The following B3GALT1 variants were observed in gnomAD, a reference collection of about 807,000 sequenced individuals.
B3GALT1 encodes the protein UDP-Gal:betaGlcNAc beta 1,3-galactosyltransferase, polypeptide 1.
Under a neutral mutation model 23.2 loss-of-function variants are expected in B3GALT1, and 10 were observed. The ratio of observed to expected loss-of-function variants is 0.43; its 90% CI spans 0.27 to 0.73. The LOEUF is 0.73. B3GALT1 is among the 30% of genes least tolerant of loss of function. The pLI is 0.21. For missense variants in B3GALT1, 299 were observed against 405.4 expected (o/e 0.74, Z 2.25); for synonymous variants, 156 against 141.5 (o/e 1.10, Z -0.73).
Position 167,602,760 on chromosome 2 carries a change from G to A in B3GALT1, c.-409-44149G>A, listed in dbSNP as rs184242803. ...TCTTTATTAGAATTCTCAGCCCATA[G>A]TAATCATTTGCTCATCCTGGTCTTT... On this transcript the variant is annotated intron_variant, in intron 2 of 4. Coordinates refer to ENST00000392690, the MANE Select transcript of B3GALT1 (RefSeq NM_020981.4). Among the ~76,000 whole-genome samples, 599 of 152,092 alleles carry A rather than the reference G, an allele frequency of 3.9e-3. 7 individuals carry two copies. The highest frequency in any genetic ancestry group is 0.02 in the Middle Eastern group (6 of 294).
chr2:167,509,007 A>G (rs1447058273), intron 2 of B3GALT1, among the ~76,000 whole-genome samples: 1 of 152,202 alleles, frequency 6.6e-6, no homozygotes, highest in Non-Finnish European at 1.5e-5. Flanking sequence ...TTTTGTTCCC[A>G]AAGAGTCAAG....
chr2:167,791,127 G>A (rs1015489866), intron 3 of B3GALT1, among the ~76,000 whole-genome samples: 1 of 152,026 alleles, frequency 6.6e-6, no homozygotes. Context: ...ATAAACATTA[G>A]CACATTTAAT....
In B3GALT1 at chr2:167,403,990, A is replaced by G. The variant is rs529845206; in HGVS notation, c.-510-86187A>G. 2.9e-3 allele frequency among the ~76,000 whole-genome samples: 434 copies of G among 152,270 alleles called. 1 individual carries two copies. Among genetic ancestry groups the G allele is most frequent in the Non-Finnish European group, 5.2e-3 (354 of 68,016 alleles). On this transcript the variant is annotated intron_variant, in intron 1 of 4. Coordinates refer to ENST00000392690, the MANE Select transcript of B3GALT1 (RefSeq NM_020981.4). ...TGTTAGTATGTTTGTGTTGCTGTAA[A>G]GGAATACCCAGGGCTGAGTAATTGT...
intron 2 of B3GALT1, among the ~76,000 whole-genome samples, chr2:167,584,125 C>T (rs1684541090): frequency 6.6e-6 from 1 of 152,072 alleles, no homozygotes; most frequent in Non-Finnish European, 1.5e-5. Flanking sequence ...TCCCACTTTT[C>T]ATCACAAGAT....
intron 1 of B3GALT1, among the ~76,000 whole-genome samples, chr2:167,386,835 GA>G (rs1276545792): frequency 6.6e-6 from 1 of 152,146 alleles, no homozygotes; most frequent in Non-Finnish European, 1.5e-5. Flanking sequence ...ACTAGTTTTA[GA>G]AACTTAAACC....
At chr2:167,303,109 A>AT (rs1696476601) in intron 1 of B3GALT1, among the ~76,000 whole-genome samples, 1 of 152,196 alleles carries the variant, frequency 6.6e-6, no homozygotes, top group South Asian at 2.1e-4. Flanking sequence ...GAAAAAGAAA[A>AT]TTGGTTGATC....
At chr2:167,323,944 C>G (rs764944701) in intron 1 of B3GALT1, among the ~76,000 whole-genome samples, 14 of 151,924 alleles carry the variant, frequency 9.2e-5, no homozygotes, top group Non-Finnish European at 1.9e-4. Context: ...TTGACATTGG[C>G]TCAGTTGCCC....
chr2:167,302,028 T>C (rs1387877259), intron 1 of B3GALT1, among the ~76,000 whole-genome samples: 1 of 152,166 alleles, frequency 6.6e-6, no homozygotes, highest in African/African-American at 2.4e-5. Flanking sequence ...ATCAGAGACA[T>C]TTGTAGTAGT....
intron 3 of B3GALT1, among the ~76,000 whole-genome samples, chr2:167,790,429 G>A (rs1019524825): frequency 1.5e-4 from 23 of 152,134 alleles, no homozygotes; most frequent in African/African-American, 5.3e-4. Flanking sequence ...GGTAAGCTGT[G>A]GCCACAGTTT....
At chr2:167,784,222 G>A (rs1351935065) in intron 3 of B3GALT1, among the ~76,000 whole-genome samples, 1 of 152,170 alleles carries the variant, frequency 6.6e-6, no homozygotes, top group Non-Finnish European at 1.5e-5. Flanking sequence ...CCCCATCACT[G>A]CATCTGCAGA....
intron 4 of B3GALT1, among the ~76,000 whole-genome samples, chr2:167,821,961 G>A (rs1689116828): frequency 6.6e-6 from 1 of 152,204 alleles, no homozygotes; most frequent in South Asian, 2.1e-4. Flanking sequence ...AATTAAAATT[G>A]TATCCTTAAT....
At chr2:167,563,822 C>A (rs1684080006) in intron 2 of B3GALT1, among the ~76,000 whole-genome samples, 1 of 144,912 alleles carries the variant, frequency 6.9e-6, no homozygotes, top group Non-Finnish European at 1.5e-5. Flanking sequence ...GCTGGCCGGG[C>A]AGAGAGGCTC....
intron 3 of B3GALT1, among the ~76,000 whole-genome samples, chr2:167,767,595 T>C (rs1687999545): frequency 1.3e-5 from 2 of 152,200 alleles, no homozygotes; most frequent in Admixed American, 1.3e-4. Flanking sequence ...AATTCCTGTA[T>C]AGTTTTTCAT....
At chr2:167,311,120 C>G (rs1283020945) in intron 1 of B3GALT1, among the ~76,000 whole-genome samples, 2 of 152,020 alleles carry the variant, frequency 1.3e-5, no homozygotes, top group Non-Finnish European at 2.9e-5. Flanking sequence ...TAGCATTTAT[C>G]ATTTTATTTG....
intron 3 of B3GALT1, among the ~76,000 whole-genome samples, chr2:167,749,651 A>G (rs1373507721): frequency 2.0e-5 from 3 of 152,184 alleles, no homozygotes; most frequent in Non-Finnish European, 4.4e-5. Flanking sequence ...ATGCAGTATG[A>G]TTTATCCTAT....
chr2:167,530,252 C>A (rs1683303352), intron 2 of B3GALT1, among the ~76,000 whole-genome samples: 1 of 152,162 alleles, frequency 6.6e-6, no homozygotes. Context: ...ATAGCACTCA[C>A]ATCTCCCTTT....
chr2:167,415,399 A>T (rs374325146), intron 1 of B3GALT1, among the ~76,000 whole-genome samples: 1 of 152,202 alleles, frequency 6.6e-6, no homozygotes, highest in Non-Finnish European at 1.5e-5. Flanking sequence ...CTTAGCTTCT[A>T]TAACTGGGAG....
At chr2:167,710,925 A>C (rs1412056411) in intron 3 of B3GALT1, among the ~76,000 whole-genome samples, 2 of 152,090 alleles carry the variant, frequency 1.3e-5, no homozygotes, top group Non-Finnish European at 2.9e-5. Context: ...GCAATCTTTC[A>C]AGTGGATCAG....
intron 3 of B3GALT1, among the ~76,000 whole-genome samples, chr2:167,785,521 G>C (rs1004908196): frequency 2.0e-5 from 3 of 152,162 alleles, no homozygotes; most frequent in Non-Finnish European, 4.4e-5. Context: ...TGTGTTGCAG[G>C]TAAGAGGCCA....
Sources: gnomAD v4.1 joint callset for allele counts (sites outside exome capture counted in the v4.1 genomes callset) on GRCh38, gnomAD v4.1.1 for gene constraint, MANE v1.5 for transcripts, NCBI Gene and HGNC (gene_info 2026-07-23, HGNC 2026-07-21) for gene names.